ATP10A: variants seen among roughly 807,000 people sequenced by gnomAD.
ATP10A encodes the protein phospholipid-transporting ATPase VA.
ATP10A carries 111 observed loss-of-function variants against 147.8 expected under a neutral mutation model. The observed-to-expected ratio is 0.75, with a 90% CI of 0.64 to 0.88. ATP10A has a LOEUF of 0.88. Among genes scored for constraint, ATP10A ranks in the 40% least tolerant of loss-of-function variants. The pLI is 0.00. For synonymous variants in ATP10A, 875 were observed against 841.6 expected (o/e 1.04, Z -0.69); for missense variants, 1,927 against 1,959.0 (o/e 0.98, Z 0.31).
Position 25,777,404 on chromosome 15 carries a change from G to A in ATP10A, c.654+3615C>T, listed in dbSNP as rs1423470709. On this transcript the variant is annotated intron_variant, in intron 2 of 20. Coordinates refer to ENST00000555815, the MANE Select transcript of ATP10A (RefSeq NM_024490.4). ...AAGTTCTTATGCTTGGCACCTCCCTGGCAATAGCCTCCCCGGTCCCCAAGG... is the reference window on the plus strand; with the variant it reads ...AAGTTCTTATGCTTGGCACCTCCCTAGCAATAGCCTCCCCGGTCCCCAAGG... Among the ~76,000 whole-genome samples the A allele has an allele frequency of 6.6e-5, 10 of 151,976 alleles. No individual in the cohort carries two copies. In the South Asian group the frequency reaches 1.5e-3, roughly 22 times the overall value.
intron 1 of ATP10A, among the ~76,000 whole-genome samples, chr15:25,858,698 T>C (rs948074135): frequency 2.0e-5 from 3 of 151,864 alleles, no homozygotes; most frequent in Admixed American, 6.6e-5. Flanking sequence ...ACTACCTGTT[T>C]CCCAAAAGAT....
intron 1 of ATP10A, among the ~76,000 whole-genome samples, chr15:25,798,163 G>C (rs1596907380): frequency 1.3e-5 from 2 of 152,280 alleles, no homozygotes; most frequent in East Asian, 3.9e-4. Flanking sequence ...GACATAGGCA[G>C]TCTCAGCAAT....
intron 1 of ATP10A, among the ~76,000 whole-genome samples, chr15:25,832,724 A>G (rs1002549262): frequency 1.3e-5 from 2 of 152,164 alleles, no homozygotes; most frequent in Non-Finnish European, 2.9e-5. Flanking sequence ...CTACAGCTGG[A>G]GAGGAGGGAT....
At position 25,841,896 on chromosome 15, in the gene ATP10A, C is replaced by T. The variant is rs1426682085; in HGVS notation, c.449+20752G>A. The T allele has an allele frequency of 2.6e-5, 4 of 152,184 alleles. No individual in the cohort carries two copies. The South Asian group carries it at 6.2e-4, about 24-fold the overall frequency. 9.4% of individuals were successfully genotyped at this position (152,184 alleles called of 1,614,324 possible). A position where few individuals can be genotyped will look rare whatever the true frequency, so the allele number is the denominator to read the frequency against. Reference sequence around the variant, plus strand: ...CAGAAATGCAGTCAATTCATAGCCACGGATCTTGTATCCTGTCATTGTAAT... The same window carrying T: ...CAGAAATGCAGTCAATTCATAGCCATGGATCTTGTATCCTGTCATTGTAAT... On this transcript the variant is annotated intron_variant, in intron 1 of 20. Coordinates refer to ENST00000555815, the MANE Select transcript of ATP10A (RefSeq NM_024490.4).
At chr15:25,749,542 A>G (rs1888039318) in intron 2 of ATP10A, among the ~76,000 whole-genome samples, 1 of 152,154 alleles carries the variant, frequency 6.6e-6, no homozygotes, top group Non-Finnish European at 1.5e-5. Context: ...GAGTAAATTC[A>G]CTGCAGTCCT....
Position 25,694,683 on chromosome 15 carries a change from C to G in ATP10A, c.3088+136G>C, listed in dbSNP as rs918044942. The G allele has an allele frequency of 2.9e-5, 23 of 804,760 alleles. No individual in the cohort carries two copies. In the African/African-American group the frequency reaches 2.9e-4, roughly 10 times the overall value. The allele number at this position is 804,760 out of a possible 1,614,324, so 49.9% of individuals were successfully genotyped here. A position where few individuals can be genotyped will look rare whatever the true frequency, so the allele number is the denominator to read the frequency against. ...TTACCTTCGGAACATGTTGCCTGCT[C>G]TATCACACTGGGTGTGATTTTACAC... On this transcript the variant is annotated intron_variant, in intron 14 of 20. Transcript: ENST00000555815.
chr15:25,713,110 C>T lies in ATP10A; in HGVS notation c.2344+564G>A, dbSNP rs367801840. ...GGCCCCTAGGCTCCTGCAGCATCCT[C>T]ACCTCCACCCAGTTCAGTTCCCTGG... On this transcript the variant is annotated intron_variant, in intron 10 of 20. Coordinates refer to ENST00000555815, the MANE Select transcript of ATP10A (RefSeq NM_024490.4). 4.5e-4 allele frequency among the ~76,000 whole-genome samples: 69 copies of T among 152,372 alleles called. No homozygotes were observed. The East Asian group carries it at 9.7e-3, about 21-fold the overall frequency.
At chr15:25,765,565 G>A (rs1350611274) in intron 2 of ATP10A, among the ~76,000 whole-genome samples, 1 of 152,066 alleles carries the variant, frequency 6.6e-6, no homozygotes, top group Non-Finnish European at 1.5e-5. Flanking sequence ...GCAGGTAAGC[G>A]GTCACTCCTG....
At chr15:25,701,595 C>T (rs1900664154) in intron 13 of ATP10A, among the ~76,000 whole-genome samples, 2 of 152,208 alleles carry the variant, frequency 1.3e-5, no homozygotes, top group South Asian at 4.1e-4. Flanking sequence ...GTGGTCAGTG[C>T]TAAATGGACC....
intron 2 of ATP10A, among the ~76,000 whole-genome samples, chr15:25,751,255 C>T (rs1888143156): frequency 2.0e-5 from 3 of 152,074 alleles, no homozygotes; most frequent in Admixed American, 2.0e-4. Context: ...GACAACAAAG[C>T]TTCAAAGTAA....
chr15:25,752,222 G>A (rs2140586482), intron 2 of ATP10A, among the ~76,000 whole-genome samples: 1 of 152,152 alleles, frequency 6.6e-6, no homozygotes, highest in East Asian at 1.9e-4. Context: ...CATGTTCATT[G>A]AAGCATTATT....
intron 2 of ATP10A, among the ~76,000 whole-genome samples, chr15:25,778,129 G>A (rs774748065): frequency 1.3e-5 from 2 of 151,950 alleles, no homozygotes; most frequent in Non-Finnish European, 2.9e-5. Flanking sequence ...GACACAGCCC[G>A]CTCTTCTCCT....
intron 1 of ATP10A, among the ~76,000 whole-genome samples, chr15:25,805,855 AT>A (rs1341420656): frequency 6.6e-6 from 1 of 152,220 alleles, no homozygotes; most frequent in East Asian, 1.9e-4. Context: ...AGGAAAATGT[AT>A]TTTGAAATCA....
At chr15:25,766,224 G>C (rs144049221) in intron 2 of ATP10A, among the ~76,000 whole-genome samples, 8 of 152,256 alleles carry the variant, frequency 5.3e-5, no homozygotes, top group African/African-American at 9.6e-5. Flanking sequence ...ACCTCCCCCT[G>C]GTTCCCACAA....
chr15:25,733,898 G>A (rs568118305), intron 3 of ATP10A, among the ~76,000 whole-genome samples: 1 of 152,340 alleles, frequency 6.6e-6, no homozygotes, highest in East Asian at 1.9e-4. Context: ...CAGGAGGAAC[G>A]CCTGCTGGCG....
chr15:25,849,617 G>A (rs931020653), intron 1 of ATP10A, among the ~76,000 whole-genome samples: 2 of 152,134 alleles, frequency 1.3e-5, no homozygotes, highest in African/African-American at 4.8e-5. Context: ...GAAAAGACCA[G>A]AAACGGAGGA....
In ATP10A at chr15:25,680,978, C is replaced by T; in HGVS notation, c.3573+16G>A. 1 of 1,613,992 alleles carries T rather than the reference C, an allele frequency of 6.2e-7. No individual in the cohort carries two copies. The highest frequency in any genetic ancestry group is 2.2e-5 in the East Asian group (1 of 44,868). On this transcript the variant is annotated intron_variant, in intron 18 of 20. Coordinates refer to ENST00000555815, the MANE Select transcript of ATP10A (RefSeq NM_024490.4). Reference sequence around the variant, plus strand: ...ATCCAGCTGGTAAGAAAAACTGCACCCAGGGGCCAACTTACCAGGTAAGGA... The same window carrying T: ...ATCCAGCTGGTAAGAAAAACTGCACTCAGGGGCCAACTTACCAGGTAAGGA...
At chr15:25,768,778 C>T (rs1402205998) in intron 2 of ATP10A, among the ~76,000 whole-genome samples, 2 of 149,778 alleles carry the variant, frequency 1.3e-5, no homozygotes, top group Non-Finnish European at 3.0e-5. Context: ...GCCCTCCCAC[C>T]TTGGCCTCCC....
intron 1 of ATP10A, among the ~76,000 whole-genome samples, chr15:25,796,797 T>C (rs1890690960): frequency 6.6e-6 from 1 of 152,228 alleles, no homozygotes; most frequent in Non-Finnish European, 1.5e-5. Flanking sequence ...GTGACAGCCG[T>C]AATTTGAGCT....
Sources: gnomAD v4.1 joint callset for allele counts (sites outside exome capture counted in the v4.1 genomes callset) on GRCh38, gnomAD v4.1.1 for gene constraint, MANE v1.5 for transcripts, NCBI Gene and HGNC (gene_info 2026-07-23, HGNC 2026-07-21) for gene names.